PTPRN2: variants seen among roughly 807,000 people sequenced by gnomAD.
The protein encoded by PTPRN2 is protein tyrosine phosphatase receptor type N2.
Under a neutral mutation model 118.8 loss-of-function variants are expected in PTPRN2, and 74 were observed. The ratio of observed to expected loss-of-function variants is 0.62; its 90% CI spans 0.52 to 0.76. The LOEUF is 0.76. Ranked by LOEUF, PTPRN2 falls within the 30% of genes least tolerant of loss-of-function variation. The pLI is 0.00. For missense variants in PTPRN2, 1,481 were observed against 1,394.4 expected (o/e 1.06, Z -0.99); for synonymous variants, 641 against 608.0 (o/e 1.05, Z -0.80).
chr7:158,497,576 T>C (rs1264784642), intron 1 of PTPRN2, among the ~76,000 whole-genome samples: 2 of 152,188 alleles, frequency 1.3e-5, no homozygotes, highest in Non-Finnish European at 2.9e-5. Context: ...CAGAAGATTC[T>C]GGAAACTTCA....
chr7:158,314,231 C>A (rs1400981459), intron 3 of PTPRN2, among the ~76,000 whole-genome samples: 1 of 152,204 alleles, frequency 6.6e-6, no homozygotes, highest in Admixed American at 6.5e-5. Flanking sequence ...CATTGAAAGA[C>A]CCCTGGCCTC....
In PTPRN2 at chr7:157,893,568, A is replaced by G. The variant is rs1486124072; in HGVS notation, c.1788+5105T>C. Among the ~76,000 whole-genome samples the G allele has an allele frequency of 2.0e-5, 3 of 152,194 alleles. No individual in the cohort carries two copies. The highest frequency in any genetic ancestry group is 7.2e-5 in the African/African-American group (3 of 41,456). On this transcript the variant is annotated intron_variant, in intron 12 of 22. Coordinates refer to ENST00000389418, the MANE Select transcript of PTPRN2 (RefSeq NM_002847.5). The surrounding 1 kb of genome is among the most constrained non-coding windows in gnomAD (Gnocchi z 4.0). ...CACAAGGAGCAGTGATGCCATTTCC[A>G]TTAAGAGATAAGAAAACCTGACGGG...
rs78078842 is a variant in PTPRN2, at chr7:158,151,759, A to G, written c.911-13244T>C. 9.4e-3 allele frequency among the ~76,000 whole-genome samples: 1,431 copies of G among 152,040 alleles called. 21 individuals carry two copies. Among genetic ancestry groups the G allele is most frequent in the African/African-American group, 0.033 (1,354 of 41,440 alleles). On this transcript the variant is annotated intron_variant, in intron 6 of 22. Coordinates refer to ENST00000389418, the MANE Select transcript of PTPRN2 (RefSeq NM_002847.5). ...ATTCTTTCCTTCCTTCCTGCCACAA[A>G]TATTTACTGCACATCTCCTTTGCAC...
intron 3 of PTPRN2, among the ~76,000 whole-genome samples, chr7:158,262,952 A>ACTG (rs1797601168): frequency 6.8e-6 from 1 of 146,532 alleles, no homozygotes; most frequent in Non-Finnish European, 1.5e-5. Flanking sequence ...ACATTCACAC[A>ACTG]CATACACACA....
chr7:158,353,873 C>T (rs1008382623), intron 2 of PTPRN2, among the ~76,000 whole-genome samples: 2 of 152,208 alleles, frequency 1.3e-5, no homozygotes, highest in Non-Finnish European at 2.9e-5. Flanking sequence ...CCATGGGGAG[C>T]ATCCTGAGTG....
At chr7:157,734,338 T>C (rs1195254326) in intron 12 of PTPRN2, among the ~76,000 whole-genome samples, 2 of 150,560 alleles carry the variant, frequency 1.3e-5, no homozygotes. Context: ...GCAGTTACTC[T>C]TTTCCATTCC....
At chr7:158,270,849 A>ACCGCCCCCTCCACCTGGG in intron 3 of PTPRN2, among the ~76,000 whole-genome samples, 1 of 7,852 alleles carries the variant, frequency 1.3e-4, no homozygotes, top group South Asian at 7.5e-3. Context: ...CCTCACCTGG[A>ACCGCCCCCTCCACCTGGG]CCGCCCCCCC....
chr7:157,819,505 GCCCTCCCTCCC>G, intron 12 of PTPRN2, among the ~76,000 whole-genome samples: 1 of 150,796 alleles, frequency 6.6e-6, no homozygotes, highest in African/African-American at 2.4e-5. Flanking sequence ...CCGCAGCACA[GCCCTCCCTCCC>G]GCCCCAAGCA....
At chr7:158,250,616 AC>A (rs1796595168) in intron 3 of PTPRN2, among the ~76,000 whole-genome samples, 1 of 152,102 alleles carries the variant, frequency 6.6e-6, no homozygotes, top group Non-Finnish European at 1.5e-5. Context: ...ATAGAAAACA[AC>A]GATTTTTATA....
chr7:158,353,951 C>A (rs996906452), intron 2 of PTPRN2, among the ~76,000 whole-genome samples: 1 of 152,162 alleles, frequency 6.6e-6, no homozygotes, highest in African/African-American at 2.4e-5. Flanking sequence ...TGTCCCCAGC[C>A]CTGGAAACTC....
At chr7:158,318,898 G>C (rs905084301) in intron 2 of PTPRN2, among the ~76,000 whole-genome samples, 1 of 152,212 alleles carries the variant, frequency 6.6e-6, no homozygotes, top group Non-Finnish European at 1.5e-5. Context: ...CCAACGCTTC[G>C]CAACATGCAG....
intron 2 of PTPRN2, among the ~76,000 whole-genome samples, chr7:158,379,996 C>G (rs1810844382): frequency 6.6e-6 from 1 of 152,136 alleles, no homozygotes; most frequent in African/African-American, 2.4e-5. Context: ...TAGTCACTAT[C>G]AGGAGAACAG....
intron 2 of PTPRN2, among the ~76,000 whole-genome samples, chr7:158,330,556 C>G (rs1217282782): frequency 1.9e-5 from 1 of 53,764 alleles, no homozygotes; most frequent in Non-Finnish European, 4.2e-5. Flanking sequence ...AGACGTCACT[C>G]ACACCCACAC....
intron 11 of PTPRN2, among the ~76,000 whole-genome samples, chr7:158,042,077 G>A (rs1003686860): frequency 9.9e-5 from 15 of 152,270 alleles, no homozygotes; most frequent in Admixed American, 2.0e-4. Context: ...TAGATCGTGC[G>A]GCTGGACACG....
At chr7:158,178,943 A>G (rs1824458353) in intron 5 of PTPRN2, among the ~76,000 whole-genome samples, 1 of 152,108 alleles carries the variant, frequency 6.6e-6, no homozygotes, top group African/African-American at 2.4e-5. Flanking sequence ...TATCTTTGCA[A>G]TTGTGAATTG....
rs765118979 is a variant in PTPRN2 at position 158,138,475 on chromosome 7, C to T, written c.951G>A (p.Gln317=). 10 of 1,613,124 alleles carry T rather than the reference C, an allele frequency of 6.2e-6. No individual in the cohort carries two copies. Among genetic ancestry groups the T allele is most frequent in the Non-Finnish European group, 8.5e-6 (10 of 1,180,050 alleles). The change falls in exon 7 of 23, where the codon CAG becomes CAA. Residue 317 remains glutamine (Q), a synonymous_variant. Coordinates refer to ENST00000389418, the MANE Select transcript of PTPRN2 (RefSeq NM_002847.5). ...IHTLLKDLQR[Q]PAEVRGLSGL... ...CACTCAGGCCCCTCACCTCAGCCGGCTGCCTCTGCAGGTCCTTCAGGAGGG... is the reference window on the plus strand; with the variant it reads ...CACTCAGGCCCCTCACCTCAGCCGGTTGCCTCTGCAGGTCCTTCAGGAGGG...
At chr7:158,344,446 A>G (rs550627422) in intron 2 of PTPRN2, among the ~76,000 whole-genome samples, 1 of 152,290 alleles carries the variant, frequency 6.6e-6, no homozygotes, top group South Asian at 2.1e-4. Flanking sequence ...GAAGACACAT[A>G]ATTTCCTGTT....
chr7:158,356,743 T>C (rs1416821739), intron 2 of PTPRN2, among the ~76,000 whole-genome samples: 1 of 150,402 alleles, frequency 6.6e-6, no homozygotes, highest in African/African-American at 2.5e-5. Context: ...AGGGGCCAGA[T>C]AGGTCACAAT....
rs893933071 is a variant in PTPRN2, at chr7:157,763,930, T to C, written c.1789-80993A>G. Among the ~76,000 whole-genome samples the C allele has an allele frequency of 1.9e-4, 29 of 152,256 alleles. No individual in the cohort carries two copies. The highest frequency in any genetic ancestry group is 6.3e-4 in the African/African-American group (26 of 41,556). On this transcript the variant is annotated intron_variant, in intron 12 of 22. Transcript: ENST00000389418. The surrounding 1 kb of genome is among the most constrained non-coding windows in gnomAD (Gnocchi z 4.9). ...AACACCTCATATTCAGTCTAACCTG[T>C]GACCATTTTCCAAACACTCTCATGT...
Sources: gnomAD v4.1 joint callset for allele counts (sites outside exome capture counted in the v4.1 genomes callset) on GRCh38, gnomAD v4.1.1 for gene constraint, Gnocchi (gnomAD v3.1) non-coding constraint, MANE v1.5 for transcripts, NCBI Gene and HGNC (gene_info 2026-07-23, HGNC 2026-07-21) for gene names.